The following PROS1 variants were observed in gnomAD, a reference collection of about 807,000 sequenced individuals.
The protein encoded by PROS1 is protein S, also known as vitamin K-dependent protein S.
In PROS1, 29 loss-of-function variants were observed where a neutral mutation model predicts 75.9. That is an observed-to-expected ratio of 0.38 (90% CI 0.28 to 0.52). The LOEUF is 0.52. Among genes scored for constraint, PROS1 ranks in the 20% least tolerant of loss-of-function variants. The pLI, the probability that PROS1 is intolerant of heterozygous loss-of-function variation, is 0.83. For synonymous variants in PROS1, 245 were observed against 280.6 expected (o/e 0.87, Z 1.27); for missense variants, 680 against 810.3 (o/e 0.84, Z 1.95).
At chr3:93,890,538 G>A (rs554580184) in intron 10 of PROS1, among the ~76,000 whole-genome samples, 14 of 152,068 alleles carry the variant, frequency 9.2e-5, no homozygotes, top group Non-Finnish European at 1.3e-4. Flanking sequence ...CAGTCCTATC[G>A]ATATGTGATG....
In PROS1 at chr3:93,896,703, G is replaced by A; in HGVS notation, c.850-12C>T. The A allele has an allele frequency of 6.4e-7, 1 of 1,570,722 alleles. No individual in the cohort carries two copies. Among genetic ancestry groups the A allele is most frequent in the Non-Finnish European group, 8.8e-7 (1 of 1,140,810 alleles). On this transcript the variant is annotated splice_polypyrimidine_tract_variant and intron_variant, in intron 8 of 14. Transcript: ENST00000394236. The stretch of plus-strand genomic sequence containing the variant: ...CACACTGAAACAACCTGGAATAAAA[G>A]AAACCAAATAAACAACAAGAAAATC...
At chr3:93,964,250 T>C (rs1365899460) in intron 1 of PROS1, among the ~76,000 whole-genome samples, 1 of 152,164 alleles carries the variant, frequency 6.6e-6, no homozygotes, top group African/African-American at 2.4e-5. Context: ...TCTTACTCCC[T>C]GCGGGGTTGG....
chr3:93,900,020 C>G (rs1174786414), intron 7 of PROS1, among the ~76,000 whole-genome samples: 2 of 151,938 alleles, frequency 1.3e-5, no homozygotes, highest in Non-Finnish European at 2.9e-5. Flanking sequence ...TATATATATA[C>G]AGATACAATA....
chr3:93,906,047 C>T lies in PROS1; in HGVS notation c.443G>A (p.Gly148Asp), dbSNP rs779106655. The change falls in exon 5 of 15, where the codon GGT becomes GAT. Residue 148 changes from glycine to aspartate, a missense_variant. Physicochemically the swap from Gly to Asp is moderately conservative, Grantham distance 94 (BLOSUM62 -1). Transcript: ENST00000394236. ...KASFTCTCKP[G>D]WQGEKCEFDI... The stretch of plus-strand genomic sequence containing the variant: ...AAATTCACACTTTTCTCCTTGCCAA[C>T]CTGGTTTACAAGTGCAAGTAAAAGA... 6.2e-7 allele frequency: 1 copy of T among 1,614,060 alleles called. No homozygotes were observed. The highest frequency in any genetic ancestry group is 1.1e-5 in the South Asian group (1 of 91,082).
rs1396452003 is a variant in PROS1 at position 93,879,173 on chromosome 3, T to C, written c.1634A>G (p.Glu545Gly). The change falls in exon 13 of 15, where the codon GAA (glutamate) becomes GGA (glycine). Residue 545 changes from glutamate (E) to glycine (G), a missense_variant. Glu to Gly is a moderately conservative substitution (Grantham distance 98, BLOSUM62 -2). Transcript: ENST00000394236. ...TTAGAGTTAAGTTACCTGTGATTTTTCAGAGGTGGAGTCCACCAAGGACAC... is the reference window on the plus strand; with the variant it reads ...TTAGAGTTAAGTTACCTGTGATTTTCCAGAGGTGGAGTCCACCAAGGACAC... ...FAVSLVDSTS[E>G]KSQDILLSVE... The C allele has an allele frequency of 6.2e-7, 1 of 1,614,076 alleles. No homozygotes were observed. The highest frequency in any genetic ancestry group is 1.7e-5 in the Admixed American group (1 of 60,014).
chr3:93,906,197 A>C, intron 4 of PROS1, 54 bp from the exon 5 acceptor site: 2 of 1,595,008 alleles, frequency 1.3e-6, no homozygotes, highest in South Asian at 2.3e-5. Context: ...TGGAAAAATA[A>C]AATTGTGTGT....
At chr3:93,967,977 A>G (rs1394972998) in intron 1 of PROS1, 1 of 152,194 alleles carries the variant, frequency 6.6e-6, no homozygotes, top group African/African-American at 2.4e-5. Context: ...TAGTATCATT[A>G]AGTTGATACA....
chr3:93,966,877 T>C (rs1709799177), intron 1 of PROS1, among the ~76,000 whole-genome samples: 1 of 151,710 alleles, frequency 6.6e-6, no homozygotes, highest in Non-Finnish European at 1.5e-5. Context: ...CATGTTGGGA[T>C]GTGCGCCAGT....
At chr3:93,924,109 T>G (rs547000218) in intron 3 of PROS1, 131 bp downstream of exon 3, 1 of 555,468 alleles carries the variant, frequency 1.8e-6, no homozygotes. Flanking sequence ...AAATTGCATA[T>G]AAAATGAAAC....
Position 93,876,926 on chromosome 3 carries a change from A to C in PROS1, c.1870+40T>G, listed in dbSNP as rs370360642. On this transcript the variant is annotated intron_variant, in intron 14 of 14. Coordinates refer to ENST00000394236, the MANE Select transcript of PROS1 (RefSeq NM_000313.4). The stretch of plus-strand genomic sequence containing the variant: ...ATTTAAAATATTATCGGTTTGATTA[A>C]AATATACTTTTTAAAACTGAAGAAA... 2.6e-5 allele frequency: 35 copies of C among 1,324,402 alleles called. 1 individual carries two copies. In the Middle Eastern group the frequency reaches 1.3e-3, roughly 50 times the overall value. The allele number at this position is 1,324,402 out of a possible 1,614,324, so 82.0% of individuals were successfully genotyped here.
chr3:93,927,197 T>C (rs1709031098), intron 2 of PROS1, 53 bp downstream of exon 2: 3 of 1,599,894 alleles, frequency 1.9e-6, no homozygotes, highest in Admixed American at 1.7e-5. Flanking sequence ...AAATGTTCAG[T>C]CTGTAGTTGT....
At chr3:93,906,194 A>C (rs1424687189) in intron 4 of PROS1, 51 bp from the exon 5 acceptor site, 36 of 1,599,214 alleles carry the variant, frequency 2.3e-5, no homozygotes, top group Non-Finnish European at 3.1e-5. Flanking sequence ...TCATGGAAAA[A>C]TAAAATTGTG....
intron 12 of PROS1, among the ~76,000 whole-genome samples, chr3:93,880,032 A>G (rs1270293275): frequency 6.6e-6 from 1 of 152,246 alleles, no homozygotes; most frequent in Non-Finnish European, 1.5e-5. Context: ...ATATTAGTTC[A>G]TAATCTGAAT....
At chr3:93,879,427 T>C (rs960752780) in intron 12 of PROS1, 113 bp from the exon 13 acceptor site, 26 of 1,377,782 alleles carry the variant, frequency 1.9e-5, no homozygotes, top group South Asian at 4.7e-5. Flanking sequence ...GTAATACTAT[T>C]TCCATTCCCT....
intron 1 of PROS1, among the ~76,000 whole-genome samples, chr3:93,952,547 C>T (rs893575844): frequency 8.5e-5 from 13 of 152,134 alleles, no homozygotes; most frequent in South Asian, 2.1e-4. Flanking sequence ...AAAGACACAA[C>T]GTACCAGAAT....
intron 1 of PROS1, among the ~76,000 whole-genome samples, chr3:93,969,138 T>TGGGG (rs1709836727): frequency 6.7e-6 from 1 of 150,234 alleles, no homozygotes; most frequent in African/African-American, 2.5e-5. Context: ...TTTTTTTTTT[T>TGGGG]TTTGCATATA....
At chr3:93,933,565 C>A (rs1709137568) in intron 1 of PROS1, among the ~76,000 whole-genome samples, 2 of 151,340 alleles carry the variant, frequency 1.3e-5, no homozygotes, top group Admixed American at 6.6e-5. Flanking sequence ...AAGCACAAGA[C>A]CTTGCCTCAA....
At chr3:93,926,296 T>C (rs1396186556) in intron 2 of PROS1, among the ~76,000 whole-genome samples, 1 of 152,234 alleles carries the variant, frequency 6.6e-6, no homozygotes, top group African/African-American at 2.4e-5. Flanking sequence ...AAAATTTCAA[T>C]ATTAGATGAT....
At chr3:93,939,364 C>T (rs577601268) in intron 1 of PROS1, among the ~76,000 whole-genome samples, 9 of 152,188 alleles carry the variant, frequency 5.9e-5, no homozygotes, top group African/African-American at 1.9e-4. Context: ...CAACCCCAAG[C>T]GTCACTGAGT....
Sources: allele counts gnomAD v4.1 joint callset (sites outside exome capture counted in the v4.1 genomes callset), GRCh38; gene constraint gnomAD v4.1.1; transcripts MANE v1.5; gene names NCBI Gene and HGNC (gene_info 2026-07-23, HGNC 2026-07-21).